The following TINAG variants were observed in gnomAD, a reference collection of about 807,000 sequenced individuals.
TINAG encodes tubulointerstitial nephritis antigen.
In TINAG, 83 loss-of-function variants were observed where a neutral mutation model predicts 72.7. That is an observed-to-expected ratio of 1.14 (90% confidence interval 0.96 to 1.37). TINAG has a LOEUF of 1.37. Among genes scored for constraint, TINAG ranks in the 40% most tolerant of loss-of-function variants. TINAG has a pLI of 0.00. For synonymous variants in TINAG, 234 were observed against 189.9 expected (o/e 1.23, Z -1.91); for missense variants, 685 against 576.6 (o/e 1.19, Z -1.93).
chr6:54,336,327 T>C (rs1298603936), intron 4 of TINAG, among the ~76,000 whole-genome samples: 4 of 152,198 alleles, frequency 2.6e-5, no homozygotes, highest in African/African-American at 9.6e-5. Context: ...TGAGGCAAGT[T>C]AATGTGGTAA....
intron 4 of TINAG, among the ~76,000 whole-genome samples, chr6:54,341,721 C>T (rs574016214): frequency 6.6e-6 from 1 of 152,118 alleles, no homozygotes; most frequent in East Asian, 1.9e-4. Context: ...ATATGACTAG[C>T]TCAAGGCACA....
intron 9 of TINAG, among the ~76,000 whole-genome samples, chr6:54,371,125 T>C (rs935596575): frequency 1.3e-5 from 2 of 149,822 alleles, no homozygotes; most frequent in Admixed American, 6.6e-5. Context: ...TGTGTGTGTG[T>C]GTGTGTGTGT....
At chr6:54,309,351 G>A (rs1784185976) in intron 1 of TINAG, among the ~76,000 whole-genome samples, 2 of 152,156 alleles carry the variant, frequency 1.3e-5, no homozygotes, top group South Asian at 2.1e-4. Context: ...GGATGCACTA[G>A]CATTAGAAAC....
chr6:54,329,309 G>A (rs564467657), intron 4 of TINAG, among the ~76,000 whole-genome samples: 1 of 152,142 alleles, frequency 6.6e-6, no homozygotes, highest in South Asian at 2.1e-4. Context: ...GAAAGAGTGG[G>A]GGCCAATATT....
chr6:54,370,289 A>T (rs1184673736), intron 9 of TINAG, among the ~76,000 whole-genome samples: 5 of 152,000 alleles, frequency 3.3e-5, no homozygotes, highest in African/African-American at 1.2e-4. Flanking sequence ...GCATTAATAT[A>T]TTTCTATATT....
At chr6:54,356,602 G>A (rs1049293255) in intron 9 of TINAG, among the ~76,000 whole-genome samples, 6 of 151,614 alleles carry the variant, frequency 4.0e-5, no homozygotes, top group East Asian at 2.0e-4. Context: ...AAACATGTCA[G>A]GTAAGTCTTC....
chr6:54,336,169 C>T (rs1784861166), intron 4 of TINAG, among the ~76,000 whole-genome samples: 1 of 151,970 alleles, frequency 6.6e-6, no homozygotes, highest in Admixed American at 6.6e-5. Context: ...GTATCTAGCT[C>T]ATAGGGTTGC....
intron 4 of TINAG, among the ~76,000 whole-genome samples, chr6:54,328,257 G>A (rs534505205): frequency 6.6e-6 from 1 of 152,168 alleles, no homozygotes; most frequent in African/African-American, 2.4e-5. Flanking sequence ...CTGGGATGAA[G>A]CTTCCAGAGG....
chr6:54,351,602 A>G (rs1284770667), intron 8 of TINAG, among the ~76,000 whole-genome samples: 1 of 151,968 alleles, frequency 6.6e-6, no homozygotes, highest in Non-Finnish European at 1.5e-5. Flanking sequence ...TTTTCAGAAG[A>G]TAGACTCATT....
chr6:54,386,952 T>C (rs1764115986), intron 10 of TINAG, among the ~76,000 whole-genome samples: 1 of 152,158 alleles, frequency 6.6e-6, no homozygotes, highest in Admixed American at 6.6e-5. Flanking sequence ...AAAGACAGTA[T>C]TATAAGAAAA....
chr6:54,308,039 A>G, upstream of TINAG: 3 of 1,549,522 alleles, frequency 1.9e-6, no homozygotes, highest in Non-Finnish European at 2.6e-6. Flanking sequence ...ACTGTTATTG[A>G]TATGACAGAT....
In TINAG at chr6:54,362,090, T is replaced by C. The variant is rs1203208995; in HGVS notation, c.1250+7454T>C. ...AAGTAGCTAGTACTGATGGAGAAAC[T>C]GCAGCAAGTTATCCAGAAGATCTAA... On this transcript the variant is annotated intron_variant, in intron 9 of 10. Transcript: ENST00000259782. Among the ~76,000 whole-genome samples, 4 of 151,650 alleles carry C rather than the reference T, an allele frequency of 2.6e-5. No individual in the cohort carries two copies. In the East Asian group the frequency reaches 7.8e-4, roughly 30 times the overall value.
At chr6:54,358,974 T>G (rs923932975) in intron 9 of TINAG, among the ~76,000 whole-genome samples, 1 of 151,832 alleles carries the variant, frequency 6.6e-6, no homozygotes, top group Non-Finnish European at 1.5e-5. Flanking sequence ...CCTATTCAGG[T>G]CCAGTGGTGC....
intron 9 of TINAG, among the ~76,000 whole-genome samples, chr6:54,360,853 T>G (rs908639345): frequency 9.9e-5 from 11 of 111,376 alleles, no homozygotes; most frequent in African/African-American, 3.1e-4. Context: ...TTTTTTTTTT[T>G]TTTTTTTTTT....
At chr6:54,309,011 G>A in intron 1 of TINAG, 106 bp downstream of exon 1, 2 of 1,030,160 alleles carry the variant, frequency 1.9e-6, no homozygotes, top group Non-Finnish European at 2.8e-6. Flanking sequence ...TCAATGAAAT[G>A]AAAATGATTA....
intron 7 of TINAG, among the ~76,000 whole-genome samples, chr6:54,350,975 A>G (rs1416253366): frequency 6.6e-6 from 1 of 151,862 alleles, no homozygotes; most frequent in Non-Finnish European, 1.5e-5. Context: ...ACATTAGGAG[A>G]CATCATAGAA....
At chr6:54,342,791 T>A (rs1785030052) in intron 4 of TINAG, among the ~76,000 whole-genome samples, 2 of 152,156 alleles carry the variant, frequency 1.3e-5, no homozygotes, top group African/African-American at 4.8e-5. Context: ...TAATACATAA[T>A]TGTCATAAAT....
At chr6:54,315,031 C>A (rs771420442) in intron 1 of TINAG, among the ~76,000 whole-genome samples, 17 of 151,920 alleles carry the variant, frequency 1.1e-4, no homozygotes, top group South Asian at 1.0e-3. Context: ...TAGTACTACA[C>A]AATATTGAAA....
chr6:54,320,095 G>A (rs1784455326), intron 1 of TINAG, among the ~76,000 whole-genome samples: 1 of 151,806 alleles, frequency 6.6e-6, no homozygotes, highest in South Asian at 2.1e-4. Flanking sequence ...AGATCCTAAA[G>A]AAAAAAATAG....
Sources: gnomAD v4.1 joint callset for allele counts (sites outside exome capture counted in the v4.1 genomes callset) on GRCh38, gnomAD v4.1.1 for gene constraint, MANE v1.5 for transcripts, NCBI Gene and HGNC (gene_info 2026-07-23, HGNC 2026-07-21) for gene names.